ZNF407: variants seen among roughly 807,000 people sequenced by gnomAD.
The protein encoded by ZNF407 is zinc finger protein 407.
Under a neutral mutation model 131.2 loss-of-function variants are expected in ZNF407, and 17 were observed. The observed-to-expected ratio is 0.13, with a 90% CI of 0.09 to 0.19. The LOEUF is 0.19. Ranked by LOEUF, ZNF407 falls within the 10% of genes least tolerant of loss-of-function variation. The pLI, the probability that ZNF407 is intolerant of heterozygous loss-of-function variation, is 1.00. For synonymous variants in ZNF407, 1,156 were observed against 1,062.0 expected (o/e 1.09, Z -1.72); for missense variants, 2,681 against 2,830.6 (o/e 0.95, Z 1.20).
At chr18:74,816,236 T>A (rs911699813) in intron 4 of ZNF407, among the ~76,000 whole-genome samples, 1 of 152,190 alleles carries the variant, frequency 6.6e-6, no homozygotes, top group Admixed American at 6.5e-5. Context: ...GGTGAAAAAT[T>A]AGATATTTCA....
chr18:75,015,392 A>G (rs1973030712), intron 8 of ZNF407, among the ~76,000 whole-genome samples: 1 of 151,052 alleles, frequency 6.6e-6, no homozygotes, highest in South Asian at 2.1e-4. Context: ...AAAATGAACT[A>G]TTCCAAGATC....
At chr18:74,925,918 T>G (rs1452063840) in intron 8 of ZNF407, among the ~76,000 whole-genome samples, 1 of 152,194 alleles carries the variant, frequency 6.6e-6, no homozygotes. Flanking sequence ...GATGTTAGAT[T>G]TACAGGTCTA....
chr18:74,943,106 C>CG (rs1334519699), intron 8 of ZNF407, among the ~76,000 whole-genome samples: 1 of 151,796 alleles, frequency 6.6e-6, no homozygotes, highest in Non-Finnish European at 1.5e-5. Context: ...TTAGTAGAGA[C>CG]GGGGTCTCAC....
chr18:74,839,796 G>T (rs1970607111), intron 4 of ZNF407, among the ~76,000 whole-genome samples: 1 of 152,094 alleles, frequency 6.6e-6, no homozygotes, highest in African/African-American at 2.4e-5. Context: ...TTTACCAAGA[G>T]ATTATGGGAA....
intron 3 of ZNF407, among the ~76,000 whole-genome samples, chr18:74,663,545 G>A (rs779262493): frequency 1.5e-4 from 23 of 152,212 alleles, no homozygotes; most frequent in African/African-American, 3.4e-4. Flanking sequence ...GTCCCGGCTC[G>A]ACACCACATA....
chr18:74,650,179 G>T (rs1985161236), intron 3 of ZNF407, among the ~76,000 whole-genome samples: 3 of 152,116 alleles, frequency 2.0e-5, no homozygotes, highest in African/African-American at 7.2e-5. Context: ...TAGTCTGTTT[G>T]ACTAGTGCCC....
intron 1 of ZNF407, among the ~76,000 whole-genome samples, chr18:74,599,974 G>A (rs1365682255): frequency 6.6e-6 from 1 of 152,206 alleles, no homozygotes; most frequent in Non-Finnish European, 1.5e-5. Flanking sequence ...CAACTCTGAT[G>A]ACTAGTGGAA....
At chr18:74,685,089 T>G (rs1003621686) in intron 3 of ZNF407, among the ~76,000 whole-genome samples, 1 of 152,232 alleles carries the variant, frequency 6.6e-6, no homozygotes, top group African/African-American at 2.4e-5. Flanking sequence ...AGCTTTTTTC[T>G]TTTCTTCACA....
chr18:74,696,071 C>T (rs779967019), intron 3 of ZNF407, among the ~76,000 whole-genome samples: 82 of 152,140 alleles, frequency 5.4e-4, no homozygotes, highest in Non-Finnish European at 2.4e-4. Context: ...ATGACTTACA[C>T]GACTTTACAG....
At chr18:74,940,251 A>G (rs951952102) in intron 8 of ZNF407, among the ~76,000 whole-genome samples, 1 of 152,176 alleles carries the variant, frequency 6.6e-6, no homozygotes, top group Non-Finnish European at 1.5e-5. Context: ...ATGAGATGAC[A>G]CCTACTTGAG....
intron 3 of ZNF407, among the ~76,000 whole-genome samples, chr18:74,692,122 GGT>G (rs374507240): frequency 6.6e-6 from 1 of 150,896 alleles, no homozygotes; most frequent in Non-Finnish European, 1.5e-5. Context: ...TGCGTGTGTG[GGT>G]GTGTGTGTGT....
chr18:74,713,271 A>C (rs536647930), intron 3 of ZNF407, among the ~76,000 whole-genome samples: 2 of 152,032 alleles, frequency 1.3e-5, no homozygotes, highest in African/African-American at 4.8e-5. Context: ...TGACATGGGC[A>C]ATTTATACAT....
intron 8 of ZNF407, among the ~76,000 whole-genome samples, chr18:74,990,019 T>G (rs1347710778): frequency 6.6e-6 from 1 of 152,196 alleles, no homozygotes; most frequent in Admixed American, 6.5e-5. Context: ...ACATGTCCTG[T>G]GCTGCCTAAA....
intron 3 of ZNF407, among the ~76,000 whole-genome samples, chr18:74,647,370 G>C (rs1985019074): frequency 6.6e-6 from 1 of 152,146 alleles, no homozygotes; most frequent in Non-Finnish European, 1.5e-5. Flanking sequence ...TCCGAGCCCA[G>C]GAGTTTGAGG....
At chr18:74,776,401 G>A (rs1969472357) in intron 3 of ZNF407, among the ~76,000 whole-genome samples, 1 of 152,182 alleles carries the variant, frequency 6.6e-6, no homozygotes, top group South Asian at 2.1e-4. Flanking sequence ...GTTTCCTGAA[G>A]CCACAGTTCT....
At chr18:74,827,074 G>C (rs1159367555) in intron 4 of ZNF407, among the ~76,000 whole-genome samples, 1 of 152,132 alleles carries the variant, frequency 6.6e-6, no homozygotes, top group Admixed American at 6.5e-5. Flanking sequence ...CTTCAACCTG[G>C]AGCAGTTCTT....
At chr18:75,042,635 C>T (rs1428785660) in intron 8 of ZNF407, among the ~76,000 whole-genome samples, 2 of 152,148 alleles carry the variant, frequency 1.3e-5, no homozygotes, top group African/African-American at 4.8e-5. Flanking sequence ...TTTAGGTATA[C>T]AGTTGGATGT....
intron 8 of ZNF407, among the ~76,000 whole-genome samples, chr18:74,966,453 T>C (rs914450711): frequency 1.3e-5 from 2 of 152,244 alleles, no homozygotes; most frequent in South Asian, 2.1e-4. Flanking sequence ...TTGGAACCTT[T>C]ATTGAAAATG....
chr18:74,856,938 A>G (rs959106870), intron 4 of ZNF407, among the ~76,000 whole-genome samples: 2 of 152,236 alleles, frequency 1.3e-5, no homozygotes, highest in African/African-American at 2.4e-5. Flanking sequence ...GTTAGCTTAC[A>G]TGCCACCAAG....
Sources: allele counts gnomAD v4.1 joint callset (sites outside exome capture counted in the v4.1 genomes callset), GRCh38; gene constraint gnomAD v4.1.1; transcripts MANE v1.5; gene names NCBI Gene and HGNC (gene_info 2026-07-23, HGNC 2026-07-21).